Variants in PCDH15 observed in about 807,000 individuals in gnomAD.
The protein encoded by PCDH15 is protocadherin-15.
A neutral mutation model predicts 178.5 loss-of-function variants in PCDH15; 129 were observed. The observed-to-expected ratio is 0.72, with a 90% CI of 0.63 to 0.84. The LOEUF (loss-of-function observed/expected upper bound fraction) is 0.84. Ranked by LOEUF, PCDH15 falls within the 40% of genes least tolerant of loss-of-function variation. The pLI, the probability that PCDH15 is intolerant of heterozygous loss-of-function variation, is 0.00. For missense variants in PCDH15, 2,230 were observed against 2,099.9 expected, an observed-to-expected ratio of 1.06 and a Z score of -1.21; for synonymous variants, 800 against 732.0, an observed-to-expected ratio of 1.09 and a Z score of -1.50.
rs576728569 is a variant in PCDH15, at chr10:54,904,571, G to C, written c.-79-7071C>G. ...GCTTCTACTAAGTTGCATTTACAATGATATATTTACATAACAGCATAATGG... is the reference window on the plus strand; with the variant it reads ...GCTTCTACTAAGTTGCATTTACAATCATATATTTACATAACAGCATAATGG... On this transcript the variant is annotated intron_variant, in intron 2 of 5. Coordinates refer to the PCDH15 transcript ENST00000458638. Among the ~76,000 whole-genome samples, 4 of 152,032 alleles carry C rather than the reference G, an allele frequency of 2.6e-5. No individual in the cohort carries two copies. The East Asian group carries it at 7.8e-4, about 29-fold the overall frequency.
chr10:54,778,183 G>A (rs1566215937), intron 1 of PCDH15, among the ~76,000 whole-genome samples: 1 of 152,186 alleles, frequency 6.6e-6, no homozygotes, highest in Non-Finnish European at 1.5e-5. Flanking sequence ...CAAATGTTAT[G>A]TATTTGCACT....
intron 18 of PCDH15, among the ~76,000 whole-genome samples, chr10:54,044,939 T>A (rs2093627435): frequency 6.6e-6 from 1 of 151,972 alleles, no homozygotes; most frequent in Non-Finnish European, 1.5e-5. Flanking sequence ...ATAACATCAA[T>A]TCCAACCAAG....
chr10:54,348,434 G>C (rs1325478298), intron 5 of PCDH15, among the ~76,000 whole-genome samples: 12 of 152,124 alleles, frequency 7.9e-5, no homozygotes, highest in African/African-American at 9.7e-5. Context: ...AGAAATGTTA[G>C]TCAGCTAAAT....
At chr10:54,291,912 T>C (rs1591622855) in intron 8 of PCDH15, among the ~76,000 whole-genome samples, 1 of 152,184 alleles carries the variant, frequency 6.6e-6, no homozygotes. Context: ...CTTGGAACCA[T>C]TCCTTCTGAA....
chr10:54,239,188 A>C (rs2054963873), intron 8 of PCDH15, among the ~76,000 whole-genome samples: 1 of 152,124 alleles, frequency 6.6e-6, no homozygotes, highest in African/African-American at 2.4e-5. Flanking sequence ...TTATTTCTAT[A>C]GATTTGCTAA....
At chr10:54,428,755 G>A (rs2135964788) in intron 3 of PCDH15, among the ~76,000 whole-genome samples, 1 of 152,318 alleles carries the variant, frequency 6.6e-6, no homozygotes, top group Admixed American at 6.5e-5. Flanking sequence ...CAGATTTTCA[G>A]TGGAAACCTT....
At chr10:55,332,702 T>C (rs1158739983) in intron 2 of PCDH15, among the ~76,000 whole-genome samples, 1 of 152,154 alleles carries the variant, frequency 6.6e-6, no homozygotes, top group Non-Finnish European at 1.5e-5. Flanking sequence ...CCCCACAATG[T>C]TCTCATAATA....
At chr10:55,248,785 G>A (rs1202506215) in intron 1 of PCDH15, among the ~76,000 whole-genome samples, 2 of 151,904 alleles carry the variant, frequency 1.3e-5, no homozygotes, top group African/African-American at 4.8e-5. Flanking sequence ...TCCAACTCCT[G>A]GCCTCAAGTG....
intron 2 of PCDH15, among the ~76,000 whole-genome samples, chr10:55,328,951 A>ATAT (rs1844117415): frequency 2.5e-5 from 3 of 120,348 alleles, no homozygotes; most frequent in Non-Finnish European, 5.4e-5. Context: ...TATATATATA[A>ATAT]AATATATAAT....
intron 2 of PCDH15, among the ~76,000 whole-genome samples, chr10:55,517,114 A>T (rs1057291322): frequency 1.4e-4 from 22 of 152,038 alleles, no homozygotes; most frequent in African/African-American, 5.3e-4. Flanking sequence ...ATAAATAAAG[A>T]GGTTGAAAAA....
chr10:55,084,462 T>TAAAAAAAAAAAAAAAA (rs71461276), intron 2 of PCDH15, among the ~76,000 whole-genome samples: 1 of 145,568 alleles, frequency 6.9e-6, no homozygotes, highest in Admixed American at 7.2e-5. Context: ...CCTCAAGCTG[T>TAAAAAAAAAAAAAAAA]AAAAAAAAAA....
chr10:54,364,223 A>G (rs1039407522), intron 5 of PCDH15, among the ~76,000 whole-genome samples: 20 of 152,076 alleles, frequency 1.3e-4, no homozygotes, highest in Non-Finnish European at 2.6e-4. Context: ...AAAAAAAAAA[A>G]AATTGACCTT....
intron 2 of PCDH15, among the ~76,000 whole-genome samples, chr10:55,579,959 C>A (rs1195030619): frequency 6.6e-6 from 1 of 152,076 alleles, no homozygotes; most frequent in Admixed American, 6.6e-5. Context: ...TGGGTTCAAG[C>A]AATTCTCATG....
intron 2 of PCDH15, among the ~76,000 whole-genome samples, chr10:55,086,656 T>C (rs958069266): frequency 3.3e-5 from 5 of 152,108 alleles, no homozygotes; most frequent in South Asian, 2.1e-4. Flanking sequence ...TAAAGACCAA[T>C]TGAAAGGCCC....
intron 2 of PCDH15, among the ~76,000 whole-genome samples, chr10:54,637,574 C>T (rs559770779): frequency 1.6e-3 from 244 of 152,134 alleles, no homozygotes; most frequent in African/African-American, 5.1e-3. Flanking sequence ...AGACTTTGAG[C>T]TTATCTGCTT....
intron 3 of PCDH15, among the ~76,000 whole-genome samples, chr10:54,464,861 A>T (rs1195519010): frequency 2.0e-5 from 3 of 152,318 alleles, no homozygotes; most frequent in Non-Finnish European, 2.9e-5. Context: ...GAAAGTGAAC[A>T]GTTAAAAAAG....
chr10:53,999,435 G>A (rs778533809), intron 20 of PCDH15, among the ~76,000 whole-genome samples: 12 of 151,946 alleles, frequency 7.9e-5, no homozygotes, highest in Admixed American at 1.3e-4. Context: ...TGTCTTTACT[G>A]ACTTATTTCC....
chr10:54,272,753 T>G (rs975427817), intron 8 of PCDH15, among the ~76,000 whole-genome samples: 1 of 152,138 alleles, frequency 6.6e-6, no homozygotes, highest in Non-Finnish European at 1.5e-5. Flanking sequence ...GCATAGGGTA[T>G]CTCTACATTC....
chr10:54,415,712 G>A (rs1298424704), intron 3 of PCDH15, among the ~76,000 whole-genome samples: 2 of 152,004 alleles, frequency 1.3e-5, no homozygotes, highest in African/African-American at 4.8e-5. Context: ...ATGATATAAA[G>A]GTAAATTTAG....
Sources: gnomAD v4.1 joint callset for allele counts (sites outside exome capture counted in the v4.1 genomes callset) on GRCh38, gnomAD v4.1.1 for gene constraint, MANE v1.5 for transcripts, NCBI Gene and HGNC (gene_info 2026-07-23, HGNC 2026-07-21) for gene names.